Variants in DCC observed in about 807,000 individuals in gnomAD.
DCC encodes DCC netrin 1 receptor.
DCC carries 58 observed loss-of-function variants against 172.5 expected under a neutral mutation model. That is an observed-to-expected ratio of 0.34 (90% CI 0.27 to 0.42). The LOEUF (loss-of-function observed/expected upper bound fraction) is 0.42, where lower values mean the gene tolerates loss of function less well. Among genes scored for constraint, DCC ranks in the 10% least tolerant of loss-of-function variants. DCC has a pLI of 1.00. For missense variants in DCC, 1,740 were observed against 1,791.0 expected (o/e 0.97, Z 0.51); for synonymous variants, 709 against 644.5 (o/e 1.10, Z -1.52).
At chr18:53,450,402 G>T in intron 22 of DCC, 98 bp from the exon 23 acceptor site, 2 of 1,376,316 alleles carry the variant, frequency 1.5e-6, no homozygotes, top group Non-Finnish European at 2.1e-6. Flanking sequence ...GTTCAGAAAA[G>T]CCCAGAACAT....
At chr18:52,969,462 A>G (rs1037729731) in intron 5 of DCC, among the ~76,000 whole-genome samples, 4 of 152,124 alleles carry the variant, frequency 2.6e-5, no homozygotes, top group Non-Finnish European at 4.4e-5. Context: ...CAATCAGCCA[A>G]CAATGATTCT....
chr18:52,797,959 G>T (rs1032905893), intron 2 of DCC, among the ~76,000 whole-genome samples: 4 of 152,010 alleles, frequency 2.6e-5, no homozygotes, highest in African/African-American at 9.7e-5. Context: ...CACCACTGGT[G>T]GTGGTGGGTG....
At chr18:52,450,315 A>C (rs1472662900) in intron 1 of DCC, among the ~76,000 whole-genome samples, 1 of 152,192 alleles carries the variant, frequency 6.6e-6, no homozygotes, top group Non-Finnish European at 1.5e-5. Flanking sequence ...TTAATAATTT[A>C]GTTGGGTGGC....
At chr18:52,713,737 T>C (rs2036334147) in intron 1 of DCC, among the ~76,000 whole-genome samples, 1 of 152,224 alleles carries the variant, frequency 6.6e-6, no homozygotes, top group African/African-American at 2.4e-5. Context: ...TCAATGGTGC[T>C]GTTACTGTCA....
intron 1 of DCC, among the ~76,000 whole-genome samples, chr18:52,429,022 C>T (rs941328455): frequency 6.6e-6 from 1 of 152,078 alleles, no homozygotes; most frequent in African/African-American, 2.4e-5. Flanking sequence ...AACTCCTACC[C>T]TCTCTTTCGC....
chr18:53,225,722 G>T (rs983084096), intron 12 of DCC, among the ~76,000 whole-genome samples: 2 of 152,186 alleles, frequency 1.3e-5, no homozygotes, highest in African/African-American at 4.8e-5. Flanking sequence ...TGATTGCTGA[G>T]TACTGTGGAC....
chr18:53,423,781 C>A lies in DCC; in HGVS notation c.3163+7625C>A, dbSNP rs539476254. On this transcript the variant is annotated intron_variant, in intron 21 of 28. Transcript: ENST00000442544. ...CCAAGAACAGAGAACTGGCTAGATT[C>A]TTCACATTGTCATCCCTACCTCCCT... 4.3e-4 allele frequency among the ~76,000 whole-genome samples: 65 copies of A among 152,278 alleles called. 1 individual carries two copies. The South Asian group carries it at 4.4e-3, about 10-fold the overall frequency.
At chr18:52,707,491 A>G (rs905572097) in intron 1 of DCC, among the ~76,000 whole-genome samples, 1 of 152,198 alleles carries the variant, frequency 6.6e-6, no homozygotes, top group East Asian at 1.9e-4. Context: ...TGATCCAACA[A>G]TCTCACTACT....
chr18:52,414,212 C>G (rs964376633), intron 1 of DCC, among the ~76,000 whole-genome samples: 1 of 152,104 alleles, frequency 6.6e-6, no homozygotes, highest in African/African-American at 2.4e-5. Context: ...CCCCAAGTAG[C>G]TGGGAATACA....
intron 2 of DCC, among the ~76,000 whole-genome samples, chr18:52,818,998 G>A (rs980226492): frequency 3.9e-5 from 6 of 152,162 alleles, no homozygotes; most frequent in Admixed American, 3.9e-4. Context: ...ACGGAGTTAG[G>A]CAAATAAGCA....
chr18:52,394,990 G>GT (rs1342218879), intron 1 of DCC, among the ~76,000 whole-genome samples: 1 of 152,024 alleles, frequency 6.6e-6, no homozygotes, highest in Non-Finnish European at 1.5e-5. Context: ...CAGCCTGCGG[G>GT]TAAGTCATCA....
chr18:53,177,095 C>T (rs1019495167), intron 8 of DCC, among the ~76,000 whole-genome samples: 15 of 151,190 alleles, frequency 9.9e-5, no homozygotes, highest in African/African-American at 1.7e-4. Flanking sequence ...AACCAAACAC[C>T]GCATATTCTC....
chr18:53,121,033 G>T (rs779111956), intron 7 of DCC, among the ~76,000 whole-genome samples: 9 of 151,810 alleles, frequency 5.9e-5, no homozygotes, highest in Non-Finnish European at 1.2e-4. Flanking sequence ...AACAAAATAT[G>T]AATTGCATAT....
At chr18:52,852,929 T>C (rs1021254199) in intron 2 of DCC, among the ~76,000 whole-genome samples, 1 of 152,204 alleles carries the variant, frequency 6.6e-6, no homozygotes, top group African/African-American at 2.4e-5. Context: ...AATAAGTAAG[T>C]GATTATAGAA....
In DCC at chr18:52,681,798, C is replaced by T. The variant is rs1464476053; in HGVS notation, c.92-70256C>T. ...AGCGCAGACAATGTGAGGAGACCCT[C>T]TGTGCCATTCGTAACAGAAAGCAGG... On this transcript the variant is annotated intron_variant, in intron 1 of 28. Coordinates refer to ENST00000442544, the MANE Select transcript of DCC (RefSeq NM_005215.4). 3.3e-5 allele frequency among the ~76,000 whole-genome samples: 5 copies of T among 152,224 alleles called. No homozygotes were observed. The South Asian group carries it at 6.2e-4, about 19-fold the overall frequency.
intron 19 of DCC, among the ~76,000 whole-genome samples, chr18:53,403,828 G>T: frequency 6.6e-6 from 1 of 152,182 alleles, no homozygotes; most frequent in East Asian, 1.9e-4. Flanking sequence ...CTTACTTTAT[G>T]TAATTTACTT....
chr18:53,401,550 T>A (rs1909294605), intron 18 of DCC, among the ~76,000 whole-genome samples: 1 of 152,054 alleles, frequency 6.6e-6, no homozygotes, highest in South Asian at 2.1e-4. Flanking sequence ...AATGTCCAGA[T>A]TCTGCAATAT....
At chr18:53,255,579 G>A (rs1249349529) in intron 12 of DCC, among the ~76,000 whole-genome samples, 2 of 151,904 alleles carry the variant, frequency 1.3e-5, no homozygotes, top group Non-Finnish European at 2.9e-5. Flanking sequence ...ATTCCATGGT[G>A]TATATGTGCC....
chr18:52,468,501 G>A (rs1031063194), intron 1 of DCC, among the ~76,000 whole-genome samples: 8 of 152,120 alleles, frequency 5.3e-5, no homozygotes, highest in Non-Finnish European at 1.2e-4. Context: ...ATGCCTCCAA[G>A]CAAAACTTCA....
Sources: gnomAD v4.1 joint callset for allele counts (sites outside exome capture counted in the v4.1 genomes callset) on GRCh38, gnomAD v4.1.1 for gene constraint, MANE v1.5 for transcripts, NCBI Gene and HGNC (gene_info 2026-07-23, HGNC 2026-07-21) for gene names.